Variants in GABRB1 observed in about 807,000 individuals in gnomAD.
GABRB1 encodes gamma-aminobutyric acid receptor subunit beta-1.
In GABRB1, 17 loss-of-function variants were observed where a neutral mutation model predicts 51.6. That is an observed-to-expected ratio of 0.33 (90% CI 0.23 to 0.49). The LOEUF (loss-of-function observed/expected upper bound fraction) is 0.49. Among genes scored for constraint, GABRB1 ranks in the 20% least tolerant of loss-of-function variants. The probability of loss-of-function intolerance (pLI) is 0.99; values close to 1 mark genes in which losing one functional copy is unlikely to be tolerated. For synonymous variants in GABRB1, 247 were observed against 218.9 expected (o/e 1.13, Z -1.14); for missense variants, 410 against 600.6 (o/e 0.68, Z 3.32).
At chr4:47,152,892 A>G (rs1195621597) in intron 3 of GABRB1, among the ~76,000 whole-genome samples, 1 of 151,846 alleles carries the variant, frequency 6.6e-6, no homozygotes, top group African/African-American at 2.4e-5. Flanking sequence ...TATTAAGTCA[A>G]CTCTGATTTA....
chr4:47,357,662 G>A (rs549444018), intron 5 of GABRB1, among the ~76,000 whole-genome samples: 1 of 152,280 alleles, frequency 6.6e-6, no homozygotes, highest in Non-Finnish European at 1.5e-5. Context: ...TGGTTCTGGG[G>A]TCCTCCTCTG....
At chr4:47,324,845 T>C (rs746230234) in intron 5 of GABRB1, among the ~76,000 whole-genome samples, 2 of 152,230 alleles carry the variant, frequency 1.3e-5, no homozygotes, top group African/African-American at 2.4e-5. Context: ...TTAATCTCAC[T>C]ATCCGACCAT....
intron 5 of GABRB1, among the ~76,000 whole-genome samples, chr4:47,348,984 T>G (rs1401949933): frequency 6.6e-6 from 1 of 152,190 alleles, no homozygotes; most frequent in African/African-American, 2.4e-5. Context: ...AATTGCTCAC[T>G]TGATTTCCTG....
chr4:47,332,244 A>G (rs1357806186), intron 5 of GABRB1, among the ~76,000 whole-genome samples: 2 of 152,244 alleles, frequency 1.3e-5, no homozygotes, highest in Non-Finnish European at 1.5e-5. Context: ...TTTCTCTTCT[A>G]AATGGCTACC....
intron 4 of GABRB1, among the ~76,000 whole-genome samples, chr4:47,294,283 C>G (rs1014398753): frequency 2.6e-5 from 4 of 152,106 alleles, no homozygotes; most frequent in Non-Finnish European, 5.9e-5. Flanking sequence ...GCACTGTGCC[C>G]GAGCTGAAGC....
chr4:47,021,711 A>T (rs1361630781), intron 1 of GABRB1, among the ~76,000 whole-genome samples: 2 of 152,100 alleles, frequency 1.3e-5, no homozygotes, highest in Admixed American at 6.6e-5. Flanking sequence ...ATAGCAAAAC[A>T]GTTGATAATA....
At chr4:47,160,537 T>C (rs1459858765) in intron 3 of GABRB1, among the ~76,000 whole-genome samples, 1 of 152,114 alleles carries the variant, frequency 6.6e-6, no homozygotes, top group African/African-American at 2.4e-5. Context: ...TCAGTTTTAG[T>C]TATTATTTAT....
intron 3 of GABRB1, among the ~76,000 whole-genome samples, chr4:47,064,474 C>T (rs1184988313): frequency 4.0e-5 from 6 of 151,340 alleles, no homozygotes. Flanking sequence ...GTCTCTACTA[C>T]AAATACAAAA....
chr4:47,117,005 C>T (rs534325126), intron 3 of GABRB1, among the ~76,000 whole-genome samples: 72 of 152,208 alleles, frequency 4.7e-4, no homozygotes, highest in African/African-American at 1.7e-3. Context: ...GGGAAGTCCA[C>T]CCCCATGATC....
At chr4:47,099,092 T>G (rs984426960) in intron 3 of GABRB1, among the ~76,000 whole-genome samples, 3 of 152,048 alleles carry the variant, frequency 2.0e-5, no homozygotes, top group African/African-American at 7.2e-5. Flanking sequence ...GTAGCAAGAT[T>G]GTGAAGATAC....
intron 1 of GABRB1, among the ~76,000 whole-genome samples, chr4:47,015,051 C>T (rs1357233311): frequency 1.3e-5 from 2 of 152,234 alleles, no homozygotes; most frequent in South Asian, 2.1e-4. Context: ...GTATTACAGG[C>T]ACACGCCACC....
At chr4:47,075,055 T>C (rs1727491305) in intron 3 of GABRB1, among the ~76,000 whole-genome samples, 2 of 152,210 alleles carry the variant, frequency 1.3e-5, no homozygotes. Flanking sequence ...TCACTGCCAA[T>C]GTGAGGCTGT....
chr4:47,130,325 C>CTG lies in GABRB1; in HGVS notation c.241-30871_241-30870dup, dbSNP rs67244692. 2.6e-3 allele frequency among the ~76,000 whole-genome samples: 342 copies of CTG among 133,710 alleles called. 1 individual carries two copies. The highest frequency in any genetic ancestry group is 0.011 in the East Asian group (49 of 4,428). The allele number at this position is 133,710 out of a possible 152,430, so 87.7% of individuals were successfully genotyped here. On this transcript the variant is annotated intron_variant, in intron 3 of 8. Transcript: ENST00000295454. The stretch of plus-strand genomic sequence containing the variant: ...CCCCATAATGTCTGGGCTCCAGATA[C>CTG]TGTGTGTGTGTGTGTGTGTGTGTGT...
At chr4:47,013,013 C>T (rs1724625940) in intron 1 of GABRB1, among the ~76,000 whole-genome samples, 2 of 152,178 alleles carry the variant, frequency 1.3e-5, no homozygotes, top group South Asian at 4.1e-4. Flanking sequence ...TATGAGTACA[C>T]CACAATTTAT....
chr4:47,360,006 G>A (rs993555549), intron 5 of GABRB1, among the ~76,000 whole-genome samples: 2 of 152,020 alleles, frequency 1.3e-5, no homozygotes, highest in African/African-American at 4.8e-5. Context: ...TTCACTCTGG[G>A]AGCCTGTTAC....
chr4:47,094,776 A>G (rs933961676), intron 3 of GABRB1, among the ~76,000 whole-genome samples: 1 of 151,514 alleles, frequency 6.6e-6, no homozygotes, highest in African/African-American at 2.4e-5. Context: ...AAAAAAAAAA[A>G]GAAAGAAAAA....
At chr4:47,298,624 G>A (rs1724112289) in intron 4 of GABRB1, among the ~76,000 whole-genome samples, 1 of 152,192 alleles carries the variant, frequency 6.6e-6, no homozygotes, top group Non-Finnish European at 1.5e-5. Context: ...CCATGCTCAT[G>A]GGTAGGAAGA....
intron 3 of GABRB1, among the ~76,000 whole-genome samples, chr4:47,075,338 C>T (rs576178470): frequency 3.3e-5 from 5 of 152,172 alleles, no homozygotes; most frequent in East Asian, 1.9e-4. Flanking sequence ...GGAGACATAC[C>T]GGATGCCGTT....
intron 1 of GABRB1, among the ~76,000 whole-genome samples, chr4:47,018,775 C>T (rs1294129421): frequency 6.6e-6 from 1 of 152,062 alleles, no homozygotes; most frequent in Non-Finnish European, 1.5e-5. Flanking sequence ...TCCTAAAGAT[C>T]TTCATCTTCA....
Sources: gnomAD v4.1 joint callset for allele counts (sites outside exome capture counted in the v4.1 genomes callset) on GRCh38, gnomAD v4.1.1 for gene constraint, MANE v1.5 for transcripts, NCBI Gene and HGNC (gene_info 2026-07-23, HGNC 2026-07-21) for gene names.